The following ZNF808 variants were observed in gnomAD, a reference collection of about 807,000 sequenced individuals.
ZNF808 encodes zinc finger protein 808.
Under a neutral mutation model 8.7 loss-of-function variants are expected in ZNF808, and 5 were observed. That is an observed-to-expected ratio of 0.58 (90% CI 0.30 to 1.21). The LOEUF is 1.21. Ranked by LOEUF, ZNF808 falls within the 50% of genes most tolerant of loss-of-function variation. The pLI, the probability that ZNF808 is intolerant of heterozygous loss-of-function variation, is 0.07. For synonymous variants in ZNF808, 380 were observed against 366.0 expected (o/e 1.04, Z -0.44); for missense variants, 1,103 against 1,098.4 (o/e 1.00, Z -0.06).
intron 2 of ZNF808, among the ~76,000 whole-genome samples, chr19:52,541,712 A>T (rs1393943911): frequency 6.6e-6 from 1 of 152,024 alleles, no homozygotes; most frequent in Non-Finnish European, 1.5e-5. Flanking sequence ...CAAGATGATT[A>T]AAATCAGGGG....
chr19:52,551,184 T>C (rs2059773105), intron 4 of ZNF808, among the ~76,000 whole-genome samples: 1 of 152,132 alleles, frequency 6.6e-6, no homozygotes, highest in South Asian at 2.1e-4. Flanking sequence ...AAACCCCGTC[T>C]CTAGTAAAAA....
downstream of ZNF808, among the ~76,000 whole-genome samples, chr19:52,561,192 CTCTCTCTCTCTCTCTCTCTCTATA>C (rs1271617229): frequency 2.3e-3 from 153 of 67,362 alleles, 1 homozygote; most frequent in Middle Eastern, 0.019. Context: ...CTCTCTCTCT[CTCTCTCTCTCTCTCTCTCTCTATA>C]TATATATATA....
chr19:52,537,976 G>GAA (rs35648222), intron 2 of ZNF808, among the ~76,000 whole-genome samples: 17 of 150,632 alleles, frequency 1.1e-4, no homozygotes, highest in East Asian at 9.8e-4. Flanking sequence ...GAAGTGGTGG[G>GAA]AAAAAAAAAT....
intron 1 of ZNF808, among the ~76,000 whole-genome samples, chr19:52,531,490 T>C (rs891964726): frequency 2.6e-5 from 4 of 151,300 alleles, no homozygotes; most frequent in Non-Finnish European, 5.9e-5. Context: ...AATAAATAAA[T>C]TAATTAATTA....
downstream of ZNF808, among the ~76,000 whole-genome samples, chr19:52,561,210 CTCTATATATATATATA>C (rs1409022125): frequency 3.7e-4 from 11 of 29,530 alleles, no homozygotes; most frequent in Admixed American, 9.6e-4. Context: ...CTCTCTCTCT[CTCTATATATATATATA>C]TATATATATA....
Position 52,555,700 on chromosome 19 carries a change from G to A in ZNF808, c.*72G>A, listed in dbSNP as rs532121911. The A allele has an allele frequency of 1.4e-5, 21 of 1,545,610 alleles. No homozygotes were observed. The Admixed American group carries it at 1.7e-4, about 12-fold the overall frequency. On this transcript the variant is annotated 3_prime_UTR_variant, in exon 5 of 5. Coordinates refer to ENST00000359798, the MANE Select transcript of ZNF808 (RefSeq NM_001039886.4). ...ATCATTGGAGAATCCATGATGAAGA[G>A]AAATCTTCTGAGTGTAATAAATGTG...
rs867579871 is a variant in ZNF808, at chr19:52,543,620, A to T, written c.63+273A>T. The stretch of plus-strand genomic sequence containing the variant: ...GGCTCACACCCAGACGTGGATAAAC[A>T]TGGGGTGTGGGCCCGTTGATGTCAG... On this transcript the variant is annotated intron_variant, in intron 3 of 4. Coordinates refer to ENST00000359798, the MANE Select transcript of ZNF808 (RefSeq NM_001039886.4). 2.6e-5 allele frequency among the ~76,000 whole-genome samples: 4 copies of T among 152,094 alleles called. No individual in the cohort carries two copies. In the South Asian group the frequency reaches 8.3e-4, roughly 31 times the overall value.
intron 1 of ZNF808, among the ~76,000 whole-genome samples, chr19:52,531,503 T>A (rs1188481639): frequency 9.3e-5 from 14 of 150,782 alleles, no homozygotes; most frequent in Admixed American, 1.3e-4. Context: ...ATTAATTAAT[T>A]AATAATAAAA....
intron 3 of ZNF808, among the ~76,000 whole-genome samples, chr19:52,544,568 A>T (rs147899460): frequency 6.6e-6 from 1 of 152,086 alleles, no homozygotes. Context: ...TGACCTCATG[A>T]TCTGCCTATC....
chr19:52,538,304 G>A (rs986834709), intron 2 of ZNF808, among the ~76,000 whole-genome samples: 45 of 137,088 alleles, frequency 3.3e-4, no homozygotes, highest in African/African-American at 1.2e-3. Context: ...TTACAGGGAT[G>A]AGCCACCGCG....
chr19:52,537,449 G>C (rs919545984), intron 2 of ZNF808, among the ~76,000 whole-genome samples: 3 of 152,158 alleles, frequency 2.0e-5, no homozygotes, highest in African/African-American at 7.2e-5. Flanking sequence ...CACTTTAGGA[G>C]ACTGAGGCAG....
Position 52,553,288 on chromosome 19 carries a change from C to T in ZNF808, c.372C>T (p.Gly124=), listed in dbSNP as rs749338705. The change falls in exon 5 of 5, where the codon GGC becomes GGT. Residue 124 remains glycine, a synonymous_variant. Coordinates refer to ENST00000359798, the MANE Select transcript of ZNF808 (RefSeq NM_001039886.4). ...AGTGTCAAGAAGATGAAAGAAATGG[C>T]CATGAAGCACCCACGACAAAAATAA... ...EFQCQEDERN[G]HEAPTTKIKK... 24 of 1,613,512 alleles carry T rather than the reference C, an allele frequency of 1.5e-5. No individual in the cohort carries two copies. In the Admixed American group the frequency reaches 2.2e-4, roughly 15 times the overall value.
At chr19:52,533,156 T>A (rs1315777360) in intron 2 of ZNF808, 147 bp downstream of exon 2, 1 of 152,248 alleles carries the variant, frequency 6.6e-6, no homozygotes, top group Admixed American at 6.5e-5. Context: ...ATTTTCTGTT[T>A]TCTGAGGTAG....
Position 52,553,985 on chromosome 19 carries a change from C to T in ZNF808, c.1069C>T (p.His357Tyr). The T allele has an allele frequency of 6.2e-7, 1 of 1,613,954 alleles. No individual in the cohort carries two copies. Among genetic ancestry groups the T allele is most frequent in the South Asian group, 1.1e-5 (1 of 91,074 alleles). ...TGGCAAGGCTTTTAATCAACAATCA[C>T]ACCTTTCACGCCATCAAAGACTTCA... ...ECGKAFNQQS[H>Y]LSRHQRLHTG... The change falls in exon 5 of 5, where the codon CAC becomes TAC. Residue 357 changes from histidine (H) to tyrosine (Y), a missense_variant. Coordinates refer to ENST00000359798, the MANE Select transcript of ZNF808 (RefSeq NM_001039886.4).
chr19:52,543,845 T>C (rs879649473), intron 3 of ZNF808, among the ~76,000 whole-genome samples: 8 of 49,188 alleles, frequency 1.6e-4, no homozygotes, highest in Admixed American at 2.6e-4. Flanking sequence ...TGTGTCCAAA[T>C]TTTTTTTTTT....
intron 2 of ZNF808, among the ~76,000 whole-genome samples, chr19:52,535,692 A>G (rs544382525): frequency 6.6e-5 from 10 of 152,364 alleles, no homozygotes; most frequent in South Asian, 2.1e-4. Flanking sequence ...TCTGTGGGCC[A>G]TCAGCATGAA....
At position 52,554,657 on chromosome 19, in the gene ZNF808, C is replaced by T. The variant is rs752495831; in HGVS notation, c.1741C>T (p.His581Tyr). 6 of 1,613,840 alleles carry T rather than the reference C, an allele frequency of 3.7e-6. No individual in the cohort carries two copies. The highest frequency in any genetic ancestry group is 5.1e-6 in the Non-Finnish European group (6 of 1,179,942). Residue 581 changes from histidine to tyrosine, a missense_variant, in exon 5 of 5, where the codon CAT becomes TAT. Transcript: ENST00000359798. The stretch of plus-strand genomic sequence containing the variant: ...TGGGAAAGCTTTTAATCAACAATCA[C>T]ATCTTTCACGTCATCGTAGACTTCA... ...ECGKAFNQQS[H>Y]LSRHRRLHTG...
intron 2 of ZNF808, among the ~76,000 whole-genome samples, chr19:52,540,803 C>G (rs550729537): frequency 2.6e-5 from 4 of 152,246 alleles, no homozygotes; most frequent in African/African-American, 7.2e-5. Context: ...TTTTAAACAT[C>G]TATTGCTATG....
At position 52,555,700 on chromosome 19, in the gene ZNF808, G is replaced by T. The variant is rs532121911; in HGVS notation, c.*72G>T. The T allele has an allele frequency of 6.5e-7, 1 of 1,545,610 alleles. No homozygotes were observed. The highest frequency in any genetic ancestry group is 8.7e-7 in the Non-Finnish European group (1 of 1,143,430). On this transcript the variant is annotated 3_prime_UTR_variant, in exon 5 of 5. Transcript: ENST00000359798. The stretch of plus-strand genomic sequence containing the variant: ...ATCATTGGAGAATCCATGATGAAGA[G>T]AAATCTTCTGAGTGTAATAAATGTG...
Sources: gnomAD v4.1 joint callset for allele counts (sites outside exome capture counted in the v4.1 genomes callset) on GRCh38, gnomAD v4.1.1 for gene constraint, MANE v1.5 for transcripts, NCBI Gene and HGNC (gene_info 2026-07-23, HGNC 2026-07-21) for gene names.